SUMF1: variants seen among roughly 807,000 people sequenced by gnomAD.
The protein encoded by SUMF1 is sulfatase modifying factor 1.
SUMF1 carries 48 observed loss-of-function variants against 47.6 expected under a neutral mutation model. The ratio of observed to expected loss-of-function variants is 1.01; its 90% confidence interval spans 0.80 to 1.28. The LOEUF (loss-of-function observed/expected upper bound fraction) is 1.28, where lower values mean the gene tolerates loss of function less well. SUMF1 is among the 50% of genes most tolerant of loss of function. SUMF1 has a pLI of 0.00. For missense variants in SUMF1, 571 were observed against 485.4 expected (o/e 1.18, Z -1.66); for synonymous variants, 230 against 192.1 (o/e 1.20, Z -1.63).
rs1033851581 is a variant in SUMF1, at chr3:4,233,306, C to A, written c.1014+143024G>T. Among the ~76,000 whole-genome samples, 26 of 152,130 alleles carry A rather than the reference C, an allele frequency of 1.7e-4. 2 individuals are homozygous for A. Among genetic ancestry groups the A allele is most frequent in the Non-Finnish European group, 1.5e-5 (1 of 68,012 alleles). On this transcript the variant is annotated intron_variant and NMD_transcript_variant, in intron 8 of 12. Transcript: ENST00000448413. ...GTTTAAAAATCTATCTATTCCAAAC[C>A]TTCCTACTTCACTGAACAATGAGGT...
chr3:4,092,932 T>A (rs997340575), intron 8 of SUMF1, among the ~76,000 whole-genome samples: 3 of 152,058 alleles, frequency 2.0e-5, no homozygotes. Flanking sequence ...TATAGAAAGC[T>A]TTGATAAAAG....
intron 7 of SUMF1, among the ~76,000 whole-genome samples, chr3:4,402,501 T>A (rs1338021293): frequency 2.0e-5 from 3 of 152,200 alleles, no homozygotes; most frequent in African/African-American, 7.2e-5. Context: ...CATACCTGTA[T>A]CCCAAGAGTA....
intron 8 of SUMF1, among the ~76,000 whole-genome samples, chr3:4,278,044 G>A (rs310704): frequency 0.16 from 24,421 of 152,036 alleles, 2,286 homozygotes; most frequent in South Asian, 0.37. Flanking sequence ...ACACAAGAGA[G>A]GAGTTTGGTC....
chr3:4,267,414 G>T (rs1201886084), intron 8 of SUMF1, among the ~76,000 whole-genome samples: 1 of 152,116 alleles, frequency 6.6e-6, no homozygotes, highest in Non-Finnish European at 1.5e-5. Flanking sequence ...CCTGTTATTG[G>T]TCTATTCAGA....
At chr3:4,218,081 G>C (rs1037185480) in intron 8 of SUMF1, among the ~76,000 whole-genome samples, 1 of 151,976 alleles carries the variant, frequency 6.6e-6, no homozygotes, top group African/African-American at 2.4e-5. Context: ...TTTCTCAGAG[G>C]CTTTAACTGT....
intron 8 of SUMF1, among the ~76,000 whole-genome samples, chr3:4,220,254 G>C (rs1696032240): frequency 6.6e-6 from 1 of 151,944 alleles, no homozygotes; most frequent in Non-Finnish European, 1.5e-5. Flanking sequence ...TCATACGAGG[G>C]GATTTAGCTA....
chr3:4,217,927 C>G (rs571476507), intron 8 of SUMF1, among the ~76,000 whole-genome samples: 1 of 151,902 alleles, frequency 6.6e-6, no homozygotes, highest in Non-Finnish European at 1.5e-5. Flanking sequence ...CCTACTTTCA[C>G]GTCCACAAGT....
At chr3:4,378,637 T>C (rs1191304338) in intron 7 of SUMF1, among the ~76,000 whole-genome samples, 1 of 152,224 alleles carries the variant, frequency 6.6e-6, no homozygotes, top group Non-Finnish European at 1.5e-5. Context: ...ACACTCTGAG[T>C]CAGTTTATTA....
chr3:4,413,736 T>C (rs1203108093), intron 6 of SUMF1, among the ~76,000 whole-genome samples: 1 of 151,910 alleles, frequency 6.6e-6, no homozygotes, highest in Non-Finnish European at 1.5e-5. Context: ...CAGTATAAAA[T>C]CAGGTCTAGC....
chr3:4,133,158 TATAC>T (rs1030211002), intron 8 of SUMF1, among the ~76,000 whole-genome samples: 2 of 152,196 alleles, frequency 1.3e-5, no homozygotes, highest in Non-Finnish European at 2.9e-5. Flanking sequence ...TTTGTGCATG[TATAC>T]ACTTGTACTA....
At chr3:4,347,016 A>G (rs545122488) in intron 8 of SUMF1, among the ~76,000 whole-genome samples, 26 of 152,156 alleles carry the variant, frequency 1.7e-4, no homozygotes, top group Non-Finnish European at 2.5e-4. Context: ...ACCGATAACA[A>G]GCTCTGAAAT....
At chr3:4,215,349 C>T (rs937522561) in intron 8 of SUMF1, among the ~76,000 whole-genome samples, 1 of 152,154 alleles carries the variant, frequency 6.6e-6, no homozygotes, top group Non-Finnish European at 1.5e-5. Context: ...TTCAACATCC[C>T]TTCATGCTAA....
chr3:4,322,320 A>G (rs7340721), intron 8 of SUMF1, among the ~76,000 whole-genome samples: 9,271 of 152,132 alleles, frequency 0.061, 956 homozygotes, highest in African/African-American at 0.21. Flanking sequence ...TATCATAGGT[A>G]TGTATCAATA....
At position 4,154,915 on chromosome 3, in the gene SUMF1, T is replaced by C. The variant is rs1463451818; in HGVS notation, c.1015-86170A>G. 2.0e-5 allele frequency among the ~76,000 whole-genome samples: 3 copies of C among 151,506 alleles called. 1 individual carries two copies. Among genetic ancestry groups the C allele is most frequent in the African/African-American group, 4.9e-5 (2 of 40,824 alleles). On this transcript the variant is annotated intron_variant and NMD_transcript_variant, in intron 8 of 12. Coordinates refer to the SUMF1 transcript ENST00000448413. Reference sequence around the variant, plus strand: ...GTAAGACCCTCTCTGAAAATTGTCATATGGTCAGCAAGGAAGGAGATCACT... The same window carrying C: ...GTAAGACCCTCTCTGAAAATTGTCACATGGTCAGCAAGGAAGGAGATCACT...
chr3:4,254,672 C>A (rs1696901605), intron 8 of SUMF1, among the ~76,000 whole-genome samples: 2 of 148,560 alleles, frequency 1.3e-5, no homozygotes, highest in South Asian at 4.4e-4. Flanking sequence ...AGAATGGAAC[C>A]AAGTTGGAAA....
Position 4,465,359 on chromosome 3 carries a change from C to A in SUMF1, c.270+1617G>T, listed in dbSNP as rs2125182442. Among the ~76,000 whole-genome samples, 2 of 152,096 alleles carry A rather than the reference C, an allele frequency of 1.3e-5. 1 individual carries two copies. The highest frequency in any genetic ancestry group is 1.3e-4 in the Admixed American group (2 of 15,294). On this transcript the variant is annotated intron_variant, in intron 1 of 8. Transcript: ENST00000272902. ...GTATGGTGGCGTGTGCCTGTAATCC[C>A]AGCTACTTGGGAGGCTGAGGCAGGA...
At chr3:4,385,173 G>A (rs770592491) in intron 7 of SUMF1, among the ~76,000 whole-genome samples, 3 of 152,162 alleles carry the variant, frequency 2.0e-5, no homozygotes, top group East Asian at 1.9e-4. Flanking sequence ...GGAGTGAGCC[G>A]CTGTGCCCAG....
At chr3:4,422,257 A>C (rs1258403240) in intron 3 of SUMF1, among the ~76,000 whole-genome samples, 1 of 152,214 alleles carries the variant, frequency 6.6e-6, no homozygotes, top group Non-Finnish European at 1.5e-5. Flanking sequence ...GAGGAGCTGC[A>C]GTGAAAGCTC....
rs76776955 is a variant in SUMF1 at position 4,042,833 on chromosome 3, G to A, written c.1191+25736C>T. Among the ~76,000 whole-genome samples, 6 of 152,048 alleles carry A rather than the reference G, an allele frequency of 3.9e-5. No individual in the cohort carries two copies. In the East Asian group the frequency reaches 9.7e-4, roughly 24 times the overall value. On this transcript the variant is annotated intron_variant and NMD_transcript_variant, in intron 9 of 12. Coordinates refer to the SUMF1 transcript ENST00000448413. ...TGGGTTGCGGGGGAGAAACAGAAAA[G>A]GATCAGGCTATTTGCTTAAAGTCCC...
Sources: allele counts gnomAD v4.1 joint callset (sites outside exome capture counted in the v4.1 genomes callset), GRCh38; gene constraint gnomAD v4.1.1; transcripts MANE v1.5; gene names NCBI Gene and HGNC (gene_info 2026-07-23, HGNC 2026-07-21).